The following ADAM18 variants were observed in gnomAD, a reference collection of about 807,000 sequenced individuals.
ADAM18 encodes disintegrin and metalloproteinase domain-containing protein 18.
In ADAM18, 117 loss-of-function variants were observed where a neutral mutation model predicts 94.4. The observed-to-expected ratio is 1.24, with a 90% confidence interval of 1.07 to 1.45. The LOEUF (loss-of-function observed/expected upper bound fraction) is 1.45, where lower values mean the gene tolerates loss of function less well. Ranked by LOEUF, ADAM18 falls within the 40% of genes most tolerant of loss-of-function variation. The pLI, the probability that ADAM18 is intolerant of heterozygous loss-of-function variation, is 0.00. For synonymous variants in ADAM18, 327 were observed against 291.6 expected (o/e 1.12, Z -1.24); for missense variants, 936 against 880.0 (o/e 1.06, Z -0.81).
intron 8 of ADAM18, 76 bp downstream of exon 8, chr8:39,637,411 GA>G: frequency 6.9e-7 from 1 of 1,457,572 alleles, no homozygotes; most frequent in South Asian, 1.3e-5. Flanking sequence ...CTTGGCCAAT[GA>G]ATAACTTAAA....
chr8:39,584,569 A>G lies in ADAM18; in HGVS notation c.-54A>G, dbSNP rs1486150522. ...GGCCGAGAGCCTGCCCGCGAGCTCA[A>G]CGCTGCTCAACGGTCTCTGTCCTTG... On this transcript the variant is annotated 5_prime_UTR_variant, in exon 1 of 20. Transcript: ENST00000265707. 2.5e-6 allele frequency: 4 copies of G among 1,602,574 alleles called. No individual in the cohort carries two copies. Among genetic ancestry groups the G allele is most frequent in the East Asian group, 2.2e-5 (1 of 44,846 alleles).
At chr8:39,717,864 C>CTAA (rs1310963642) in intron 18 of ADAM18, among the ~76,000 whole-genome samples, 5 of 151,264 alleles carry the variant, frequency 3.3e-5, no homozygotes, top group Non-Finnish European at 5.9e-5. Context: ...TCCCTATGAC[C>CTAA]TAATAGTGAA....
At chr8:39,620,916 A>G (rs1195884690) in intron 6 of ADAM18, among the ~76,000 whole-genome samples, 1 of 151,884 alleles carries the variant, frequency 6.6e-6, no homozygotes, top group African/African-American at 2.4e-5. Flanking sequence ...TGGATACAAT[A>G]TACATTATTT....
At chr8:39,632,743 T>C (rs914811730) in intron 7 of ADAM18, among the ~76,000 whole-genome samples, 1 of 152,126 alleles carries the variant, frequency 6.6e-6, no homozygotes, top group Non-Finnish European at 1.5e-5. Context: ...CCCTTCCACA[T>C]ATAGTTGGAA....
Position 39,668,099 on chromosome 8 carries a change from T to G in ADAM18, c.1428T>G (p.Tyr476Ter). The change falls in exon 14 of 20, where the codon TAT (tyrosine) becomes TAG (stop). Residue 476 changes from tyrosine (Y) to a stop codon, truncating the protein, a stop_gained. Transcript: ENST00000265707. LOFTEE classifies it high-confidence loss of function. ...GTSSNCVPDTYALNGRLCKLG... is the reference protein window; with the variant it reads ...GTSSNCVPDT ...CTAGTAATTGTGTTCCTGACACTTA[T>G]GCATTGAATGGCCGTTTGTGCAAGT... 2 of 1,614,178 alleles carry G rather than the reference T, an allele frequency of 1.2e-6. No individual in the cohort carries two copies. Among genetic ancestry groups the G allele is most frequent in the Non-Finnish European group, 1.7e-6 (2 of 1,180,010 alleles).
intron 18 of ADAM18, among the ~76,000 whole-genome samples, chr8:39,709,615 A>G (rs1039292467): frequency 1.1e-4 from 16 of 152,192 alleles, no homozygotes; most frequent in Non-Finnish European, 2.1e-4. Context: ...ATTCATTCAT[A>G]CATTCCCTCC....
At chr8:39,698,004 C>A (rs560360433) in intron 17 of ADAM18, among the ~76,000 whole-genome samples, 21 of 151,822 alleles carry the variant, frequency 1.4e-4, no homozygotes, top group Admixed American at 9.2e-4. Context: ...ATTTTTAAAT[C>A]ATTACTTAAT....
chr8:39,600,403 C>T (rs1161932652), intron 2 of ADAM18, among the ~76,000 whole-genome samples: 2 of 152,076 alleles, frequency 1.3e-5, no homozygotes, highest in Non-Finnish European at 2.9e-5. Context: ...AGGTAACTTG[C>T]TTTCAGTGGC....
Position 39,618,948 on chromosome 8 carries a change from T to C in ADAM18, c.522+8242T>C, listed in dbSNP as rs572240635. ...CACAATCCTGCATACAACTTGGTGT[T>C]TACAATAATCAGGAGCATTTCATCT... On this transcript the variant is annotated intron_variant, in intron 6 of 19. Coordinates refer to ENST00000265707, the MANE Select transcript of ADAM18 (RefSeq NM_014237.3). Among the ~76,000 whole-genome samples the C allele has an allele frequency of 4.0e-4, 61 of 152,260 alleles. No individual in the cohort carries two copies. In the South Asian group the frequency reaches 5.8e-3, roughly 14 times the overall value.
At chr8:39,584,855 T>C (rs1585866014) in intron 1 of ADAM18, among the ~76,000 whole-genome samples, 178 bp downstream of exon 1, 2 of 152,128 alleles carry the variant, frequency 1.3e-5, no homozygotes, top group East Asian at 3.9e-4. Flanking sequence ...CTAAAGGCCT[T>C]AGCGGAGGAC....
At chr8:39,654,836 T>A (rs1820642436) in intron 12 of ADAM18, among the ~76,000 whole-genome samples, 1 of 152,214 alleles carries the variant, frequency 6.6e-6, no homozygotes, top group Admixed American at 6.5e-5. Flanking sequence ...CATTTGAATG[T>A]CTTATTTTGA....
chr8:39,700,354 A>G (rs1822031348), intron 17 of ADAM18, among the ~76,000 whole-genome samples: 1 of 152,206 alleles, frequency 6.6e-6, no homozygotes, highest in African/African-American at 2.4e-5. Flanking sequence ...AGAATTTTAT[A>G]GAGCTTATCT....
intron 13 of ADAM18, among the ~76,000 whole-genome samples, chr8:39,665,556 C>A (rs555860692): frequency 9.2e-5 from 14 of 152,274 alleles, no homozygotes; most frequent in Admixed American, 1.3e-4. Flanking sequence ...TGAGTTCCCA[C>A]CAGACACTTA....
Position 39,647,880 on chromosome 8 carries a change from T to G in ADAM18, c.1047-464T>G, listed in dbSNP as rs533232876. ...AAGTGGCTAGGGCAAAGTTACAAAT[T>G]AACAACATCTCAGCAAAGCAATTGT... On this transcript the variant is annotated intron_variant, in intron 11 of 19. Transcript: ENST00000265707. Among the ~76,000 whole-genome samples the G allele has an allele frequency of 3.9e-4, 59 of 152,306 alleles. 1 individual carries two copies. The Middle Eastern group carries it at 0.01, about 26-fold the overall frequency.
In ADAM18 at chr8:39,584,985, ACTC is replaced by A. The variant is rs199988120; in HGVS notation, c.56-287_56-285del. Among the ~76,000 whole-genome samples, 875 of 151,816 alleles carry A rather than the reference ACTC, an allele frequency of 5.8e-3. 8 individuals are homozygous for A. The highest frequency in any genetic ancestry group is 0.02 in the African/African-American group (841 of 41,366). On this transcript the variant is annotated intron_variant, in intron 1 of 19. Coordinates refer to ENST00000265707, the MANE Select transcript of ADAM18 (RefSeq NM_014237.3). ...GTGGAGTACTAACTGCCTTCAGCGA[ACTC>A]CTCAGAGTCCTGAGGAAGCAAGTCT...
chr8:39,676,007 C>T (rs538458229), intron 14 of ADAM18, among the ~76,000 whole-genome samples: 4 of 152,318 alleles, frequency 2.6e-5, no homozygotes, highest in African/African-American at 9.6e-5. Flanking sequence ...GCCTGATCCT[C>T]CCTCTGGAAG....
chr8:39,698,174 G>T (rs1317253603), intron 17 of ADAM18, among the ~76,000 whole-genome samples: 5 of 151,542 alleles, frequency 3.3e-5, no homozygotes, highest in African/African-American at 1.2e-4. Context: ...CTATTTTCTA[G>T]TTCTATTATT....
chr8:39,685,694 G>T (rs1299398717), intron 16 of ADAM18, among the ~76,000 whole-genome samples: 1 of 151,986 alleles, frequency 6.6e-6, no homozygotes, highest in African/African-American at 2.4e-5. Flanking sequence ...AAATTTTTTA[G>T]TTCTGCTTTC....
chr8:39,620,428 C>A (rs1585906765), intron 6 of ADAM18, among the ~76,000 whole-genome samples: 1 of 141,396 alleles, frequency 7.1e-6, no homozygotes, highest in Admixed American at 7.1e-5. Flanking sequence ...AAACCAACAA[C>A]CAACCAACCA....
Sources: allele counts gnomAD v4.1 joint callset (sites outside exome capture counted in the v4.1 genomes callset), GRCh38; gene constraint gnomAD v4.1.1; transcripts MANE v1.5; gene names NCBI Gene and HGNC (gene_info 2026-07-23, HGNC 2026-07-21).